ANK3: variants seen among roughly 807,000 people sequenced by gnomAD.
The protein encoded by ANK3 is ankyrin-3.
Under a neutral mutation model 370.9 loss-of-function variants are expected in ANK3, and 57 were observed. The observed-to-expected ratio is 0.15, with a 90% CI of 0.12 to 0.19. The LOEUF is 0.19. Ranked by LOEUF, ANK3 falls within the 10% of genes least tolerant of loss-of-function variation. The pLI is 1.00. For synonymous variants in ANK3, 1,929 were observed against 1,946.3 expected (o/e 0.99, Z 0.23); for missense variants, 4,439 against 5,302.1 (o/e 0.84, Z 5.06).
At chr10:60,217,690 C>T (rs547785286) in intron 8 of ANK3, among the ~76,000 whole-genome samples, 2 of 152,240 alleles carry the variant, frequency 1.3e-5, no homozygotes, top group South Asian at 2.1e-4. Context: ...GATCGATTTT[C>T]GAACAAGTGC....
chr10:60,487,299 C>A (rs10761509), intron 2 of ANK3, among the ~76,000 whole-genome samples: 2 of 151,900 alleles, frequency 1.3e-5, no homozygotes, highest in Non-Finnish European at 2.9e-5. Flanking sequence ...AAATAAACTA[C>A]GCAAAGAAGA....
intron 1 of ANK3, among the ~76,000 whole-genome samples, chr10:60,617,786 C>A (rs1257437343): frequency 6.6e-6 from 1 of 152,172 alleles, no homozygotes; most frequent in Non-Finnish European, 1.5e-5. Flanking sequence ...TACACAGGCC[C>A]AACTCACTTT....
chr10:60,296,431 G>A (rs1287197229), intron 1 of ANK3, among the ~76,000 whole-genome samples: 2 of 152,070 alleles, frequency 1.3e-5, no homozygotes, highest in African/African-American at 4.8e-5. Context: ...ACTTCTACAT[G>A]GAAAATGACA....
intron 1 of ANK3, among the ~76,000 whole-genome samples, chr10:60,690,895 G>A (rs933660149): frequency 6.6e-5 from 10 of 152,150 alleles, no homozygotes; most frequent in Admixed American, 1.3e-4. Flanking sequence ...AAGGCATTGC[G>A]AATTCTAATT....
intron 1 of ANK3, among the ~76,000 whole-genome samples, chr10:60,365,398 T>C (rs1166717335): frequency 2.0e-5 from 3 of 152,194 alleles, no homozygotes; most frequent in Admixed American, 6.5e-5. Flanking sequence ...GCAGTTTTCA[T>C]GTTTGTTGTA....
intron 7 of ANK3, among the ~76,000 whole-genome samples, chr10:60,246,653 A>C (rs1482217149): frequency 1.3e-5 from 2 of 152,128 alleles, no homozygotes; most frequent in African/African-American, 4.8e-5. Context: ...GAGTGTTGGG[A>C]TCTGTTCTAA....
chr10:60,526,921 C>T (rs926878137), intron 2 of ANK3, among the ~76,000 whole-genome samples: 38 of 152,042 alleles, frequency 2.5e-4, no homozygotes, highest in African/African-American at 7.7e-4. Context: ...TGGTGTGTCT[C>T]CCTAGAAGTC....
chr10:60,063,489 C>G (rs2081017432), intron 39 of ANK3, among the ~76,000 whole-genome samples: 1 of 152,150 alleles, frequency 6.6e-6, no homozygotes, highest in South Asian at 2.1e-4. Context: ...GCGGATGGGC[C>G]TTAAAATAAC....
chr10:60,419,209 C>G (rs2063730178), intron 2 of ANK3, among the ~76,000 whole-genome samples: 1 of 152,112 alleles, frequency 6.6e-6, no homozygotes, highest in African/African-American at 2.4e-5. Context: ...AGAAAAAGTA[C>G]TGGGTCAGGA....
chr10:60,354,837 T>A (rs1313424613), intron 1 of ANK3, among the ~76,000 whole-genome samples: 9 of 152,194 alleles, frequency 5.9e-5, no homozygotes, highest in Non-Finnish European at 1.2e-4. Flanking sequence ...ATCTTATGCT[T>A]ATGAATTTTT....
rs149570658 is a variant in ANK3 at position 60,312,849 on chromosome 10, G to A, written c.115-33210C>T. 4.2e-3 allele frequency among the ~76,000 whole-genome samples: 639 copies of A among 152,274 alleles called. 23 individuals carry two copies. The highest frequency in any genetic ancestry group is 0.031 in the Admixed American group (469 of 15,296). On this transcript the variant is annotated intron_variant, in intron 1 of 43. Coordinates refer to ENST00000280772, the MANE Select transcript of ANK3 (RefSeq NM_020987.5). ...TGCAGCAACAACTGGCTGCATCAGA[G>A]CCACAGCTATGGCCTAGAGCTGGGC...
chr10:60,050,858 C>T (rs1284186080), intron 42 of ANK3: 2 of 150,846 alleles, frequency 1.3e-5, no homozygotes, highest in Non-Finnish European at 3.0e-5. Context: ...CTTAAAAATG[C>T]AGCTTGATTT....
chr10:60,301,412 C>T (rs1370474774), intron 1 of ANK3, among the ~76,000 whole-genome samples: 1 of 138,356 alleles, frequency 7.2e-6, no homozygotes, highest in Non-Finnish European at 1.5e-5. Flanking sequence ...ACACAATATA[C>T]ATTTTTTTTT....
chr10:60,539,599 C>T (rs551868178), intron 2 of ANK3, among the ~76,000 whole-genome samples: 2 of 151,858 alleles, frequency 1.3e-5, no homozygotes, highest in Non-Finnish European at 2.9e-5. Context: ...TGAAGGTAGG[C>T]GTGCCCTGTT....
chr10:60,513,784 G>A (rs1443054268), intron 2 of ANK3, among the ~76,000 whole-genome samples: 2 of 152,084 alleles, frequency 1.3e-5, no homozygotes, highest in Non-Finnish European at 2.9e-5. Context: ...ACTATCTCGG[G>A]TAGTCATAAG....
At chr10:60,261,782 A>G (rs1434927550) in intron 7 of ANK3, 77 bp downstream of exon 7, 2 of 1,346,282 alleles carry the variant, frequency 1.5e-6, no homozygotes, top group Non-Finnish European at 2.1e-6. Flanking sequence ...ATTTGTCCCA[A>G]CATCCTCATG....
chr10:60,542,769 C>T (rs1424410179), intron 2 of ANK3, among the ~76,000 whole-genome samples: 1 of 152,022 alleles, frequency 6.6e-6, no homozygotes, highest in East Asian at 1.9e-4. Context: ...GGTTAAGATT[C>T]CCATTCATTC....
chr10:60,646,632 G>T (rs995668741), intron 1 of ANK3, among the ~76,000 whole-genome samples: 2 of 152,130 alleles, frequency 1.3e-5, no homozygotes, highest in Non-Finnish European at 2.9e-5. Context: ...ATGGAGAGAA[G>T]TCACTGGTTT....
chr10:60,353,071 C>A (rs1462378296), intron 1 of ANK3, among the ~76,000 whole-genome samples: 2 of 152,068 alleles, frequency 1.3e-5, no homozygotes, highest in African/African-American at 4.8e-5. Flanking sequence ...GCATTCTCCA[C>A]CTCCCCAGCT....
Sources: gnomAD v4.1 joint callset for allele counts (sites outside exome capture counted in the v4.1 genomes callset) on GRCh38, gnomAD v4.1.1 for gene constraint, MANE v1.5 for transcripts, NCBI Gene and HGNC (gene_info 2026-07-23, HGNC 2026-07-21) for gene names.